Variants in RPS6KA2 observed in about 807,000 individuals in gnomAD.
The protein encoded by RPS6KA2 is ribosomal protein S6 kinase alpha-2.
Under a neutral mutation model 91.8 loss-of-function variants are expected in RPS6KA2, and 42 were observed. That is an observed-to-expected ratio of 0.46 (90% confidence interval 0.36 to 0.59). RPS6KA2 has a LOEUF of 0.59. RPS6KA2 is among the 20% of genes least tolerant of loss of function. RPS6KA2 has a pLI of 0.00. For synonymous variants in RPS6KA2, 414 were observed against 393.6 expected, an observed-to-expected ratio of 1.05 and a Z score of -0.61; for missense variants, 798 against 978.5, an observed-to-expected ratio of 0.82 and a Z score of 2.46.
At chr6:166,854,477 G>C (rs1013227353) in intron 2 of RPS6KA2, among the ~76,000 whole-genome samples, 4 of 100,328 alleles carry the variant, frequency 4.0e-5, no homozygotes, top group African/African-American at 1.0e-4. Flanking sequence ...GGCAAGCCTC[G>C]CTCACCTTTT....
At position 166,563,116 on chromosome 6, in the gene RPS6KA2, T is replaced by C. The variant is rs1444102990; in HGVS notation, c.100-24332A>G. On this transcript the variant is annotated intron_variant, in intron 1 of 20. Coordinates refer to ENST00000265678, the MANE Select transcript of RPS6KA2 (RefSeq NM_021135.6). This position sits in a 1 kb window ranked among gnomAD's most constrained non-coding sequence, Gnocchi z 4.1. Reference sequence around the variant, plus strand: ...AGTCCCTTCCAGTGTGTGGAAGAGATCCAGCCTGCAATGACTGGAGGGTGG... The same window carrying C: ...AGTCCCTTCCAGTGTGTGGAAGAGACCCAGCCTGCAATGACTGGAGGGTGG... 6.6e-6 allele frequency among the ~76,000 whole-genome samples: 1 copy of C among 152,136 alleles called. No homozygotes were observed. Among genetic ancestry groups the C allele is most frequent in the East Asian group, 1.9e-4 (1 of 5,184 alleles).
At position 166,603,738 on chromosome 6, in the gene RPS6KA2, C is replaced by T. The variant is rs949623239; in HGVS notation, c.99+23183G>A. ...GGCACAGGAAGGATACTGAATATTG[C>T]GAGGTTGCAGAAGGGAGGCCAGGGA... is the stretch of plus-strand genomic sequence containing the variant. On this transcript the variant is annotated intron_variant, in intron 1 of 20. Coordinates refer to ENST00000265678, the MANE Select transcript of RPS6KA2 (RefSeq NM_021135.6). The surrounding 1 kb of genome is among the most constrained non-coding windows in gnomAD (Gnocchi z 4.3). 3.3e-5 allele frequency among the ~76,000 whole-genome samples: 5 copies of T among 152,124 alleles called. No individual in the cohort carries two copies. The highest frequency in any genetic ancestry group is 1.2e-4 in the African/African-American group (5 of 41,392).
chr6:166,702,795 G>A (rs984478501), intron 2 of RPS6KA2: 3 of 1,088,760 alleles, frequency 2.8e-6, no homozygotes, highest in Admixed American at 1.7e-5. Flanking sequence ...CTAGGTCCAA[G>A]GGGGCGGCGT....
chr6:166,757,059 A>G (rs1778032912), intron 2 of RPS6KA2, among the ~76,000 whole-genome samples: 1 of 152,070 alleles, frequency 6.6e-6, no homozygotes, highest in South Asian at 2.1e-4. Flanking sequence ...TCTTACGCAC[A>G]TTTCACCATC....
At chr6:166,669,908 G>A (rs551684625) in intron 2 of RPS6KA2, among the ~76,000 whole-genome samples, 38 of 152,326 alleles carry the variant, frequency 2.5e-4, no homozygotes, top group African/African-American at 8.7e-4. Flanking sequence ...TGATAGCAAG[G>A]AGGAACCCAC....
chr6:166,469,741 G>C, intron 11 of RPS6KA2, 100 bp downstream of exon 11: 1 of 1,083,856 alleles, frequency 9.2e-7, no homozygotes, highest in Non-Finnish European at 1.4e-6. Flanking sequence ...CGACCTACTT[G>C]TGACCCGGAC....
At chr6:166,643,944 A>G (rs892586945) in intron 2 of RPS6KA2, among the ~76,000 whole-genome samples, 2 of 152,264 alleles carry the variant, frequency 1.3e-5, no homozygotes, top group African/African-American at 2.4e-5. Flanking sequence ...CACTATACAC[A>G]GTGCCTGTTA....
In RPS6KA2 at chr6:166,512,088, TACACACACACATACACAA is replaced by T. The variant is rs926446065; in HGVS notation, c.299-1749_299-1732del. 3.2e-4 allele frequency among the ~76,000 whole-genome samples: 49 copies of T among 152,060 alleles called. No individual in the cohort carries two copies. In the South Asian group the frequency reaches 6.5e-3, roughly 20 times the overall value. ...GAACAAAATGTGATGCTGTAGTAAA[TACACACACACATACACAA>T]ACACACACACACACACAATGGGATA... On this transcript the variant is annotated intron_variant, in intron 3 of 20. Coordinates refer to ENST00000265678, the MANE Select transcript of RPS6KA2 (RefSeq NM_021135.6).
chr6:166,447,488 T>A (rs1463910151), intron 14 of RPS6KA2, among the ~76,000 whole-genome samples: 1 of 152,236 alleles, frequency 6.6e-6, no homozygotes. Context: ...CCTGAGATTT[T>A]TTTTCGGCTG....
At chr6:166,798,399 A>G (rs1371635385) in intron 2 of RPS6KA2, among the ~76,000 whole-genome samples, 1 of 152,250 alleles carries the variant, frequency 6.6e-6, no homozygotes, top group East Asian at 1.9e-4. Context: ...CCAAAGGTGG[A>G]CAACTCTGCT....
chr6:166,655,373 T>C (rs1194727768), intron 2 of RPS6KA2, among the ~76,000 whole-genome samples: 1 of 152,182 alleles, frequency 6.6e-6, no homozygotes, highest in East Asian at 1.9e-4. Context: ...GACACAATAT[T>C]TGCACCCGGA....
intron 10 of RPS6KA2, among the ~76,000 whole-genome samples, chr6:166,487,052 G>A (rs1781438057): frequency 6.6e-6 from 1 of 152,210 alleles, no homozygotes; most frequent in South Asian, 2.1e-4. Context: ...TTCATCTTCA[G>A]GTCTTTGTTA....
At chr6:166,751,722 C>T (rs977032830) in intron 2 of RPS6KA2, among the ~76,000 whole-genome samples, 3 of 152,266 alleles carry the variant, frequency 2.0e-5, no homozygotes, top group South Asian at 2.1e-4. Flanking sequence ...TTGCACCATT[C>T]GCATCCTAGT....
chr6:166,543,518 T>G (rs1288649263), intron 1 of RPS6KA2, among the ~76,000 whole-genome samples: 2 of 152,202 alleles, frequency 1.3e-5, no homozygotes, highest in Non-Finnish European at 2.9e-5. Flanking sequence ...GCACTGGGCA[T>G]GGCTATTCAC....
chr6:166,453,285 G>T (rs1037703321), intron 12 of RPS6KA2, among the ~76,000 whole-genome samples: 1 of 151,904 alleles, frequency 6.6e-6, no homozygotes, highest in Non-Finnish European at 1.5e-5. Flanking sequence ...CAGACAACCT[G>T]CAGAATGGGA....
intron 11 of RPS6KA2, among the ~76,000 whole-genome samples, chr6:166,464,106 G>A (rs1780432074): frequency 2.0e-5 from 3 of 152,280 alleles, no homozygotes; most frequent in African/African-American, 2.4e-5. Context: ...GCCCTGACCC[G>A]CAGCCTACAG....
intron 2 of RPS6KA2, among the ~76,000 whole-genome samples, chr6:166,817,036 A>G (rs1099652): frequency 0.8 from 122,049 of 152,148 alleles, 49,300 homozygotes; most frequent in East Asian, 0.98. Context: ...TGATTCAAAT[A>G]AGGCAGATTT....
intron 2 of RPS6KA2, among the ~76,000 whole-genome samples, chr6:166,839,684 A>G (rs73788164): frequency 0.042 from 995 of 23,776 alleles, 86 homozygotes; most frequent in East Asian, 0.083. Context: ...TCAGAGCAGG[A>G]GAGGAGAGGG....
rs1433509717 is a variant in RPS6KA2, at chr6:166,744,991, G to A, written c.123+113209C>T. The stretch of plus-strand genomic sequence containing the variant: ...ACAGAGGCTCGTGGTTGGAACAGCA[G>A]ACATTCACTTCTCACGGTTCTGGAG... On this transcript the variant is annotated intron_variant, in intron 2 of 21. Coordinates refer to the RPS6KA2 transcript ENST00000503859. 2.0e-5 allele frequency among the ~76,000 whole-genome samples: 3 copies of A among 152,120 alleles called. No individual in the cohort carries two copies. In the East Asian group the frequency reaches 5.8e-4, roughly 29 times the overall value.
Sources: allele counts gnomAD v4.1 joint callset (sites outside exome capture counted in the v4.1 genomes callset), GRCh38; gene constraint gnomAD v4.1.1; non-coding constraint Gnocchi (gnomAD v3.1); transcripts MANE v1.5; gene names NCBI Gene and HGNC (gene_info 2026-07-23, HGNC 2026-07-21).